Variants in OTULINL observed in about 807,000 individuals in gnomAD.
OTULINL encodes the protein inactive ubiquitin thioesterase OTULINL.
Under a neutral mutation model 43.9 loss-of-function variants are expected in OTULINL, and 42 were observed. The ratio of observed to expected loss-of-function variants is 0.96; its 90% CI spans 0.75 to 1.24. The LOEUF is 1.24. Among genes scored for constraint, OTULINL ranks in the 50% most tolerant of loss-of-function variants. The pLI is 0.00. For synonymous variants in OTULINL, 172 were observed against 153.6 expected (o/e 1.12, Z -0.88); for missense variants, 411 against 426.4 (o/e 0.96, Z 0.32).
intron 1 of OTULINL, among the ~76,000 whole-genome samples, chr5:14,589,989 G>T (rs1260883646): frequency 1.3e-5 from 2 of 152,098 alleles, no homozygotes; most frequent in Non-Finnish European, 2.9e-5. Context: ...GATAGGCATA[G>T]CTTCCAGCCA....
chr5:14,608,793 A>ATG lies in OTULINL; in HGVS notation c.676_677dup (p.Asn227AlafsTer18). ...TAGAGATTATCACAAGAGAGGAAGTATGTGCAACACCCTTTTTTCAGATGC... is the reference window on the plus strand; with the variant it reads ...TAGAGATTATCACAAGAGAGGAAGTATGTGTGCAACACCCTTTTTTCAGATGC... On this transcript the variant is annotated frameshift_variant, in exon 7 of 8. Transcript: ENST00000274217. LOFTEE classifies it high-confidence loss of function. 1 of 1,612,872 alleles carries ATG rather than the reference A, an allele frequency of 6.2e-7. No homozygotes were observed.
chr5:14,613,218 G>A lies in OTULINL; in HGVS notation c.*2904G>A, dbSNP rs1759611680. ...ATTACGGGTGTGAGCCACTGCGCCC[G>A]GCCCTAACAATTTTTAAGTGACAGT... On this transcript the variant is annotated 3_prime_UTR_variant, in exon 8 of 8. Transcript: ENST00000274217. 6.6e-6 allele frequency among the ~76,000 whole-genome samples: 1 copy of A among 152,046 alleles called. No individual in the cohort carries two copies. Among genetic ancestry groups the A allele is most frequent in the East Asian group, 1.9e-4 (1 of 5,186 alleles).
rs139432320 is a variant in OTULINL, at chr5:14,600,526, A to G, written c.65-439A>G. Among the ~76,000 whole-genome samples the G allele has an allele frequency of 7.8e-3, 1,192 of 152,314 alleles. 15 individuals carry two copies. The highest frequency in any genetic ancestry group is 9.4e-3 in the Non-Finnish European group (642 of 68,028). On this transcript the variant is annotated intron_variant, in intron 1 of 7. Coordinates refer to ENST00000274217, the MANE Select transcript of OTULINL (RefSeq NM_019018.3). Reference sequence around the variant, plus strand: ...CAATTCAGATATTCAGCAAGAACCAAGTGTGTGGCAGGCATTGTGCTAGTG... The same window carrying G: ...CAATTCAGATATTCAGCAAGAACCAGGTGTGTGGCAGGCATTGTGCTAGTG...
chr5:14,583,123 T>C (rs1759044508), intron 1 of OTULINL, among the ~76,000 whole-genome samples: 1 of 152,168 alleles, frequency 6.6e-6, no homozygotes. Flanking sequence ...TGAATTGCTG[T>C]TTTTGGTCCC....
intron 5 of OTULINL, among the ~76,000 whole-genome samples, chr5:14,604,753 C>G (rs1759444035): frequency 6.6e-6 from 1 of 152,218 alleles, no homozygotes; most frequent in South Asian, 2.1e-4. Context: ...TCTTAAAGCT[C>G]CAAAATGATC....
chr5:14,589,173 A>C (rs1335709534), intron 1 of OTULINL, among the ~76,000 whole-genome samples: 1 of 152,222 alleles, frequency 6.6e-6, no homozygotes, highest in Non-Finnish European at 1.5e-5. Context: ...GACAGACGCT[A>C]ATCAAACACA....
At chr5:14,608,449 C>G (rs1759517560) in intron 6 of OTULINL, among the ~76,000 whole-genome samples, 2 of 151,976 alleles carry the variant, frequency 1.3e-5, no homozygotes, top group African/African-American at 4.8e-5. Context: ...AGTAGCAGGT[C>G]CATTCATGAG....
intron 1 of OTULINL, among the ~76,000 whole-genome samples, chr5:14,585,387 A>C (rs934051061): frequency 1.3e-5 from 2 of 151,976 alleles, no homozygotes; most frequent in South Asian, 4.1e-4. Context: ...TTGTACTTCT[A>C]CTCTTACATT....
intron 5 of OTULINL, 89 bp downstream of exon 5, chr5:14,602,421 T>G (rs983322992): frequency 8.7e-6 from 11 of 1,267,938 alleles, no homozygotes; most frequent in African/African-American, 1.5e-5. Flanking sequence ...TGTACTCAGA[T>G]GACCATGAGA....
chr5:14,581,973 G>C lies in OTULINL; in HGVS notation c.64+15G>C. On this transcript the variant is annotated intron_variant, in intron 1 of 7. Coordinates refer to ENST00000274217, the MANE Select transcript of OTULINL (RefSeq NM_019018.3). ...TCCCGCCGCAGGTGAGCCTGGGGCC[G>C]GGCGGGGCGGGGCGGGGGGCGCGAG... 1.6e-6 allele frequency: 2 copies of C among 1,265,956 alleles called. No individual in the cohort carries two copies. Among genetic ancestry groups the C allele is most frequent in the South Asian group, 5.2e-5 (2 of 38,716 alleles). The allele number at this position is 1,265,956 out of a possible 1,614,324, so 78.4% of individuals were successfully genotyped here. A position where few individuals can be genotyped will look rare whatever the true frequency, so the allele number is the denominator to read the frequency against.
chr5:14,582,814 CA>C (rs57907300), intron 1 of OTULINL, among the ~76,000 whole-genome samples: 912 of 54,886 alleles, frequency 0.017, 1 homozygote, highest in African/African-American at 0.045. Context: ...TTGCTCTGTC[CA>C]AAAAAAAAAA....
At chr5:14,596,959 T>C (rs1001109354) in intron 1 of OTULINL, among the ~76,000 whole-genome samples, 2 of 152,172 alleles carry the variant, frequency 1.3e-5, no homozygotes, top group Admixed American at 6.5e-5. Flanking sequence ...ATCATATGAA[T>C]TTTGTGATTA....
Position 14,601,217 on chromosome 5 carries a change from A to T in OTULINL, c.229A>T (p.Ile77Phe). Residue 77 changes from isoleucine (I) to phenylalanine (F), a missense_variant, in exon 3 of 8, where the codon ATT becomes TTT. Transcript: ENST00000274217. The part of the protein sequence containing the change: ...LYSGHKLKWW[I>F]GYLQRKFKRN... ...TTGTTCCCTTTTATCTTTCAGGTGGATTGGATATCTGCAGAGAAAATTCAA... is the reference window on the plus strand; with the variant it reads ...TTGTTCCCTTTTATCTTTCAGGTGGTTTGGATATCTGCAGAGAAAATTCAA... The T allele has an allele frequency of 6.2e-7, 1 of 1,612,910 alleles. No homozygotes were observed. The highest frequency in any genetic ancestry group is 8.5e-7 in the Non-Finnish European group (1 of 1,179,458).
chr5:14,608,119 C>T (rs915517060), intron 6 of OTULINL, among the ~76,000 whole-genome samples: 1 of 152,176 alleles, frequency 6.6e-6, no homozygotes, highest in Non-Finnish European at 1.5e-5. Context: ...CCATCCTAAG[C>T]AGTTTTGGAA....
rs183113226 is a variant in OTULINL, at chr5:14,615,595, G to T, written c.*5281G>T. ...ACGCCTGGTGAAAATGGTGTTTGTT[G>T]TAACATCTTGGTATCATTGTGGGTA... On this transcript the variant is annotated 3_prime_UTR_variant, in exon 8 of 8. Transcript: ENST00000274217. Among the ~76,000 whole-genome samples, 59 of 152,254 alleles carry T rather than the reference G, an allele frequency of 3.9e-4. No homozygotes were observed. In the East Asian group the frequency reaches 0.011, roughly 28 times the overall value.
intron 1 of OTULINL, among the ~76,000 whole-genome samples, chr5:14,584,041 G>A (rs572077213): frequency 6.6e-6 from 1 of 152,344 alleles, no homozygotes; most frequent in African/African-American, 2.4e-5. Context: ...AACATTGGAA[G>A]ATCACTTAGT....
At chr5:14,604,060 C>T (rs1172662652) in intron 5 of OTULINL, among the ~76,000 whole-genome samples, 4 of 152,110 alleles carry the variant, frequency 2.6e-5, no homozygotes, top group Non-Finnish European at 4.4e-5. Context: ...GGCCAGGAGC[C>T]GTGGCTTATG....
At chr5:14,597,673 A>G (rs114876350) in intron 1 of OTULINL, among the ~76,000 whole-genome samples, 1,704 of 152,354 alleles carry the variant, frequency 0.011, 39 homozygotes, top group African/African-American at 0.039. Flanking sequence ...AACAGCTCGT[A>G]TAGATCCTAT....
chr5:14,605,887 C>G (rs184443118), intron 5 of OTULINL, among the ~76,000 whole-genome samples: 1 of 152,334 alleles, frequency 6.6e-6, no homozygotes, highest in East Asian at 1.9e-4. Flanking sequence ...CAACAAGTCT[C>G]TAGGGTCTTC....
Sources: allele counts gnomAD v4.1 joint callset (sites outside exome capture counted in the v4.1 genomes callset), GRCh38; gene constraint gnomAD v4.1.1; transcripts MANE v1.5; gene names NCBI Gene and HGNC (gene_info 2026-07-23, HGNC 2026-07-21).